FANK1: variants seen among roughly 807,000 people sequenced by gnomAD.
FANK1 encodes the protein fibronectin type III and ankyrin repeat domains 1.
A neutral mutation model predicts 45.3 loss-of-function variants in FANK1; 44 were observed. That is an observed-to-expected ratio of 0.97 (90% confidence interval 0.76 to 1.25). The LOEUF (loss-of-function observed/expected upper bound fraction) is 1.25. FANK1 is among the 50% of genes most tolerant of loss of function. FANK1 has a pLI of 0.00. For synonymous variants in FANK1, 149 were observed against 152.5 expected, an observed-to-expected ratio of 0.98 and a Z score of 0.17; for missense variants, 391 against 424.4, an observed-to-expected ratio of 0.92 and a Z score of 0.69.
chr10:125,914,719 T>C (rs4098721), intron 1 of FANK1, among the ~76,000 whole-genome samples: 374 of 152,286 alleles, frequency 2.5e-3, no homozygotes, highest in African/African-American at 8.8e-3. Flanking sequence ...TGCTCAGATA[T>C]TGGCTCAGTG....
intron 6 of FANK1, among the ~76,000 whole-genome samples, chr10:126,002,763 C>CTTTTTTTTTTTTT (rs375158618): frequency 1.8e-5 from 2 of 113,230 alleles, no homozygotes; most frequent in Non-Finnish European, 3.5e-5. Context: ...TTTGCCTCTC[C>CTTTTTTTTTTTTT]TTTTTTTTTT....
rs151009166 is a variant in FANK1 at position 126,007,336 on chromosome 10, C to T, written c.706-1071C>T. On this transcript the variant is annotated intron_variant, in intron 7 of 10. Transcript: ENST00000368693. Reference sequence around the variant, plus strand: ...AATAAAAATACCTACCTCTGATTAACGTTTAGGACCAAAAGAGAAAGTGTG... The same window carrying T: ...AATAAAAATACCTACCTCTGATTAATGTTTAGGACCAAAAGAGAAAGTGTG... Among the ~76,000 whole-genome samples the T allele has an allele frequency of 3.2e-4, 48 of 152,258 alleles. No homozygotes were observed. The East Asian group carries it at 8.5e-3, about 27-fold the overall frequency.
At chr10:125,962,393 A>C (rs950123922) in intron 1 of FANK1, among the ~76,000 whole-genome samples, 1 of 152,086 alleles carries the variant, frequency 6.6e-6, no homozygotes, top group Non-Finnish European at 1.5e-5. Context: ...AATTTGGACC[A>C]TTATTTCAAA....
chr10:125,916,318 C>T (rs969957289), intron 1 of FANK1, among the ~76,000 whole-genome samples: 3 of 152,278 alleles, frequency 2.0e-5, no homozygotes, highest in East Asian at 1.9e-4. Context: ...TGAGCCACCA[C>T]ACCCAGACAT....
At chr10:125,923,263 A>G (rs1349966978) in intron 1 of FANK1, among the ~76,000 whole-genome samples, 2 of 151,054 alleles carry the variant, frequency 1.3e-5, no homozygotes, top group East Asian at 2.0e-4. Flanking sequence ...GTTCAAGACC[A>G]GCCTGGGCAA....
At chr10:125,986,367 G>C (rs1023127734) in intron 2 of FANK1, among the ~76,000 whole-genome samples, 16 of 152,182 alleles carry the variant, frequency 1.1e-4, no homozygotes, top group African/African-American at 3.6e-4. Flanking sequence ...TGAACGTTCA[G>C]TGTTTGATTT....
At chr10:126,003,660 A>G (rs1450980012) in intron 6 of FANK1, among the ~76,000 whole-genome samples, 1 of 146,044 alleles carries the variant, frequency 6.8e-6, no homozygotes, top group Admixed American at 6.9e-5. Context: ...ATTCCCCATT[A>G]ACTTTTATTT....
At chr10:125,907,251 C>G (rs193240045) in intron 1 of FANK1, among the ~76,000 whole-genome samples, 2,490 of 152,254 alleles carry the variant, frequency 0.016, 31 homozygotes, top group South Asian at 0.033. Flanking sequence ...ATAGTGATAA[C>G]TCTTCACTCC....
intron 1 of FANK1, among the ~76,000 whole-genome samples, chr10:125,955,757 C>A (rs942558925): frequency 2.6e-5 from 4 of 152,148 alleles, no homozygotes; most frequent in African/African-American, 9.7e-5. Context: ...CAGGTGTGAG[C>A]CACTGTGCCT....
At chr10:125,952,481 C>T (rs1949303099) in intron 1 of FANK1, among the ~76,000 whole-genome samples, 2 of 152,080 alleles carry the variant, frequency 1.3e-5, no homozygotes, top group Non-Finnish European at 2.9e-5. Context: ...AAAAAAAGTT[C>T]AGAGAAGATG....
chr10:125,994,708 T>C (rs1952188568), intron 3 of FANK1: 3 of 985,438 alleles, frequency 3.0e-6, no homozygotes, highest in East Asian at 2.3e-4. Context: ...GGCTTCTACA[T>C]AGCCCTTTAT....
Position 126,008,741 on chromosome 10 carries a change from A to G in FANK1, c.849+191A>G, listed in dbSNP as rs193211268. On this transcript the variant is annotated intron_variant, in intron 8 of 10. Transcript: ENST00000368693. ...AGAATACTTTCGTTGTCTTTTTACAACTATTTAAGGACTAAAGAACCCCTG... is the reference window on the plus strand; with the variant it reads ...AGAATACTTTCGTTGTCTTTTTACAGCTATTTAAGGACTAAAGAACCCCTG... Among the ~76,000 whole-genome samples, 87 of 152,348 alleles carry G rather than the reference A, an allele frequency of 5.7e-4. 1 individual carries two copies. Among genetic ancestry groups the G allele is most frequent in the East Asian group, 3.9e-3 (20 of 5,190 alleles).
At chr10:125,991,037 A>T (rs1951892623) in intron 3 of FANK1, among the ~76,000 whole-genome samples, 1 of 152,204 alleles carries the variant, frequency 6.6e-6, no homozygotes, top group African/African-American at 2.4e-5. Flanking sequence ...CATGTGAATT[A>T]TGGGAGCTAC....
intron 6 of FANK1, among the ~76,000 whole-genome samples, chr10:126,003,829 C>A (rs961082013): frequency 1.3e-5 from 2 of 152,046 alleles, no homozygotes; most frequent in Non-Finnish European, 2.9e-5. Context: ...GCTCTTGCCA[C>A]CACTCCCAGC....
chr10:125,905,163 T>C (rs556828307), intron 1 of FANK1, among the ~76,000 whole-genome samples: 2 of 152,064 alleles, frequency 1.3e-5, no homozygotes, highest in South Asian at 4.1e-4. Context: ...AAAAAAACGT[T>C]TCTGTAGCCT....
intron 1 of FANK1, among the ~76,000 whole-genome samples, chr10:125,922,182 A>G (rs990536104): frequency 6.6e-6 from 1 of 152,238 alleles, no homozygotes; most frequent in African/African-American, 2.4e-5. Context: ...CCTATGGGCC[A>G]TTTAGAAGTA....
intron 1 of FANK1, among the ~76,000 whole-genome samples, chr10:125,949,567 G>A (rs1374800228): frequency 1.3e-5 from 2 of 149,952 alleles, no homozygotes; most frequent in South Asian, 2.2e-4. Flanking sequence ...GGGATGTGAA[G>A]GACCTCTTCA....
At chr10:125,948,708 A>T (rs978952451) in intron 1 of FANK1, among the ~76,000 whole-genome samples, 2 of 152,216 alleles carry the variant, frequency 1.3e-5, no homozygotes, top group African/African-American at 4.8e-5. Context: ...AACTGGTACC[A>T]TTCCTTCTGA....
At chr10:125,946,603 C>G (rs951627210) in intron 1 of FANK1, among the ~76,000 whole-genome samples, 8 of 149,670 alleles carry the variant, frequency 5.3e-5, no homozygotes, top group Non-Finnish European at 8.9e-5. Flanking sequence ...AAATATGGGA[C>G]TATGTGAAAA....
Sources: gnomAD v4.1 joint callset for allele counts (sites outside exome capture counted in the v4.1 genomes callset) on GRCh38, gnomAD v4.1.1 for gene constraint, MANE v1.5 for transcripts, NCBI Gene and HGNC (gene_info 2026-07-23, HGNC 2026-07-21) for gene names.